CLEC16A: variants seen among roughly 807,000 people sequenced by gnomAD.
The protein encoded by CLEC16A is protein CLEC16A.
In CLEC16A, 51 loss-of-function variants were observed where a neutral mutation model predicts 109.5. The observed-to-expected ratio is 0.47, with a 90% CI of 0.37 to 0.59. The LOEUF (loss-of-function observed/expected upper bound fraction) is 0.59. CLEC16A is among the 20% of genes least tolerant of loss of function. The probability of loss-of-function intolerance (pLI) is 0.00; values close to 1 mark genes in which losing one functional copy is unlikely to be tolerated. For missense variants in CLEC16A, 1,339 were observed against 1,394.0 expected, an observed-to-expected ratio of 0.96 and a Z score of 0.63; for synonymous variants, 673 against 564.2, an observed-to-expected ratio of 1.19 and a Z score of -2.73.
intron 11 of CLEC16A, among the ~76,000 whole-genome samples, chr16:11,005,831 G>A (rs148372066): frequency 7.3e-5 from 11 of 150,772 alleles, no homozygotes; most frequent in Non-Finnish European, 1.3e-4. Context: ...GTGCCTAGAA[G>A]ATGCGAGATC....
At position 10,975,712 on chromosome 16, in the gene CLEC16A, A is replaced by G. The variant is rs190391194; in HGVS notation, c.729-1513A>G. On this transcript the variant is annotated intron_variant, in intron 7 of 23. Transcript: ENST00000409790. ...ACCCAGGCTGGAGTGCAATAGTGCA[A>G]TCTTGGCTCACTGCAACCCAATCTC... is the stretch of plus-strand genomic sequence containing the variant. 3.6e-3 allele frequency among the ~76,000 whole-genome samples: 541 copies of G among 152,192 alleles called. 5 individuals carry two copies. Among genetic ancestry groups the G allele is most frequent in the Middle Eastern group, 0.014 (4 of 294 alleles).
chr16:11,114,994 C>G (rs1432445549), intron 19 of CLEC16A, among the ~76,000 whole-genome samples: 1 of 152,210 alleles, frequency 6.6e-6, no homozygotes, highest in Non-Finnish European at 1.5e-5. Flanking sequence ...GTCTCAATTA[C>G]ATTTCTGAAA....
intron 22 of CLEC16A, among the ~76,000 whole-genome samples, chr16:11,136,825 C>T (rs1474563164): frequency 6.6e-6 from 1 of 152,198 alleles, no homozygotes; most frequent in Non-Finnish European, 1.5e-5. Context: ...GTGCTGACTG[C>T]CATCATTGGC....
chr16:11,075,396 G>GTGTGTGTGTGTGTGTC, intron 19 of CLEC16A, among the ~76,000 whole-genome samples: 1 of 133,380 alleles, frequency 7.5e-6, no homozygotes, highest in East Asian at 2.1e-4. Context: ...GTGTGTGTGT[G>GTGTGTGTGTGTGTGTC]TGTGTGTGTG....
At chr16:11,134,751 C>T (rs948849967) in intron 22 of CLEC16A, among the ~76,000 whole-genome samples, 32 of 152,214 alleles carry the variant, frequency 2.1e-4, no homozygotes, top group African/African-American at 7.2e-4. Context: ...ATTTGGATTG[C>T]TCAACCTGCA....
rs188326016 is a variant in CLEC16A, at chr16:11,047,677, C to T, written c.1866+335C>T. 424 of 173,656 alleles carry T rather than the reference C, an allele frequency of 2.4e-3. 9 individuals carry two copies. Among genetic ancestry groups the T allele is most frequent in the South Asian group, 6.7e-3 (34 of 5,080 alleles). The allele number at this position is 173,656 out of a possible 1,614,324, so 10.8% of individuals were successfully genotyped here. A position where few individuals can be genotyped will look rare whatever the true frequency, so the allele number is the denominator to read the frequency against. ...CAGATTATATCTCTTCATCCTCACA[C>T]CAACCAACGGTAATAGCTACTGCCA... On this transcript the variant is annotated intron_variant, in intron 17 of 23. Coordinates refer to ENST00000409790, the MANE Select transcript of CLEC16A (RefSeq NM_015226.3).
intron 13 of CLEC16A, among the ~76,000 whole-genome samples, chr16:11,030,806 G>A (rs1029744246): frequency 1.3e-5 from 2 of 152,120 alleles, no homozygotes; most frequent in South Asian, 2.1e-4. Flanking sequence ...CACCACGCCC[G>A]GCTGATTTTT....
intron 8 of CLEC16A, among the ~76,000 whole-genome samples, chr16:10,979,126 T>C (rs1237228228): frequency 6.6e-6 from 1 of 151,994 alleles, no homozygotes; most frequent in African/African-American, 2.4e-5. Flanking sequence ...GATGGAAAAA[T>C]AGTGTCCTTG....
Position 10,954,802 on chromosome 16 carries a change from C to T in CLEC16A, c.81-2980C>T, listed in dbSNP as rs1596725104. Among the ~76,000 whole-genome samples the T allele has an allele frequency of 2.0e-5, 3 of 152,292 alleles. No homozygotes were observed. The Middle Eastern group carries it at 0.01, about 518-fold the overall frequency. On this transcript the variant is annotated intron_variant, in intron 1 of 23. Transcript: ENST00000409790. The surrounding 1 kb of genome is among the most constrained non-coding windows in gnomAD (Gnocchi z 4.2). The stretch of plus-strand genomic sequence containing the variant: ...TCGCTGAACCTTCCCATCACGACTC[C>T]TGCCCTGAAGCCCTCTTTCCCTGTT...
intron 11 of CLEC16A, among the ~76,000 whole-genome samples, chr16:11,005,183 C>T (rs1272286926): frequency 6.6e-6 from 1 of 152,096 alleles, no homozygotes; most frequent in Non-Finnish European, 1.5e-5. Context: ...CAGGCTTAGC[C>T]CCAAAATCAC....
At chr16:11,047,614 A>G in intron 17 of CLEC16A, 1 of 295,722 alleles carries the variant, frequency 3.4e-6, no homozygotes, top group Non-Finnish European at 6.2e-6. Flanking sequence ...CATTTTATTG[A>G]GGACTTACTC....
At chr16:10,948,140 T>A (rs12935516) in intron 1 of CLEC16A, among the ~76,000 whole-genome samples, 25,809 of 152,110 alleles carry the variant, frequency 0.17, 2,729 homozygotes, top group South Asian at 0.24. Flanking sequence ...TGATCTGCCC[T>A]CCTTGACCTC....
At chr16:11,047,576 C>CT in intron 17 of CLEC16A, 1 of 356,440 alleles carries the variant, frequency 2.8e-6, no homozygotes, top group South Asian at 7.1e-5. Flanking sequence ...TGATTCTCTG[C>CT]TATGAATAGT....
chr16:11,089,739 C>T (rs548532009), intron 19 of CLEC16A, among the ~76,000 whole-genome samples: 4 of 152,154 alleles, frequency 2.6e-5, no homozygotes, highest in Admixed American at 6.5e-5. Context: ...GGGAAGGGCC[C>T]GACTCAGGAA....
chr16:11,127,630 G>A (rs1403566981), intron 22 of CLEC16A, among the ~76,000 whole-genome samples: 2 of 152,216 alleles, frequency 1.3e-5, no homozygotes, highest in Admixed American at 1.3e-4. Flanking sequence ...CACTTTGGGA[G>A]GCTAAGACAA....
chr16:10,975,211 C>A (rs1275356658), intron 7 of CLEC16A, among the ~76,000 whole-genome samples: 2 of 152,114 alleles, frequency 1.3e-5, no homozygotes, highest in Non-Finnish European at 2.9e-5. Context: ...CCCCTGTAAT[C>A]CCAGCTACCA....
At chr16:11,103,356 G>T (rs544811135) in intron 19 of CLEC16A, among the ~76,000 whole-genome samples, 17 of 152,138 alleles carry the variant, frequency 1.1e-4, no homozygotes, top group Non-Finnish European at 2.2e-4. Flanking sequence ...GAGGTGGGCG[G>T]ATCACCTGAG....
intron 22 of CLEC16A, chr16:11,149,787 A>T (rs1597570794): frequency 1.3e-4 from 2 of 15,740 alleles, no homozygotes; most frequent in Admixed American, 7.1e-4. Flanking sequence ...AGACTGTCTT[A>T]AAAAAAAAAA....
At chr16:11,160,117 A>AT (rs1239538990) in intron 22 of CLEC16A, among the ~76,000 whole-genome samples, 36 of 151,688 alleles carry the variant, frequency 2.4e-4, no homozygotes, top group African/African-American at 3.6e-4. Flanking sequence ...CCAAGGGTAG[A>AT]TTTTTTTTTA....
Sources: allele counts gnomAD v4.1 joint callset (sites outside exome capture counted in the v4.1 genomes callset), GRCh38; gene constraint gnomAD v4.1.1; non-coding constraint Gnocchi (gnomAD v3.1); transcripts MANE v1.5; gene names NCBI Gene and HGNC (gene_info 2026-07-23, HGNC 2026-07-21).